Variants in CAST observed in about 807,000 individuals in gnomAD.
The protein encoded by CAST is MIR583 host.
In CAST, 76 loss-of-function variants were observed where a neutral mutation model predicts 119.6. The observed-to-expected ratio is 0.64, with a 90% CI of 0.53 to 0.77. The LOEUF (loss-of-function observed/expected upper bound fraction) is 0.77. Ranked by LOEUF, CAST falls within the 30% of genes least tolerant of loss-of-function variation. CAST has a pLI of 0.00. For synonymous variants in CAST, 319 were observed against 331.6 expected, an observed-to-expected ratio of 0.96 and a Z score of 0.41; for missense variants, 953 against 946.5, an observed-to-expected ratio of 1.01 and a Z score of -0.09.
chr5:96,652,193 T>C (rs957765323), intron 1 of CAST, among the ~76,000 whole-genome samples: 2 of 152,224 alleles, frequency 1.3e-5, no homozygotes, highest in East Asian at 1.9e-4. Flanking sequence ...TCTAAGGAGA[T>C]GGTTCATAGC....
intron 1 of CAST, among the ~76,000 whole-genome samples, chr5:96,557,731 C>T (rs1303056382): frequency 6.6e-6 from 1 of 152,168 alleles, no homozygotes; most frequent in Non-Finnish European, 1.5e-5. Context: ...TACAAAGAAA[C>T]TTAGACTCCC....
At chr5:96,047,835 A>G in the CAST span, among the ~76,000 whole-genome samples, 3 of 152,190 alleles carry the variant, frequency 2.0e-5, no homozygotes, top group Non-Finnish European at 4.4e-5. Flanking sequence ...GAAGAGGCGC[A>G]TGATGCAATG....
At chr5:96,290,351 C>A in the CAST span, among the ~76,000 whole-genome samples, 1 of 152,144 alleles carries the variant, frequency 6.6e-6, no homozygotes, top group Non-Finnish European at 1.5e-5. Context: ...CTTTACCAGG[C>A]TCTAAGTTAG....
intron 1 of CAST, among the ~76,000 whole-genome samples, chr5:96,594,502 C>A (rs932675288): frequency 6.6e-6 from 1 of 152,114 alleles, no homozygotes; most frequent in African/African-American, 2.4e-5. Flanking sequence ...AATTTAAAAC[C>A]AGCGTTGTAG....
chr5:96,124,157 A>G, the CAST span, among the ~76,000 whole-genome samples: 1 of 152,070 alleles, frequency 6.6e-6, no homozygotes, highest in African/African-American at 2.4e-5. Flanking sequence ...TATTGCAGAG[A>G]TAGAGCTTGG....
chr5:96,536,805 T>G (rs1178656866), intron 1 of CAST, among the ~76,000 whole-genome samples: 1 of 150,076 alleles, frequency 6.7e-6, no homozygotes, highest in Admixed American at 6.7e-5. Flanking sequence ...GTCTGACATT[T>G]TGATGGAGGG....
chr5:96,103,409 C>T, the CAST span, among the ~76,000 whole-genome samples: 1 of 142,338 alleles, frequency 7.0e-6, no homozygotes, highest in African/African-American at 2.6e-5. Flanking sequence ...TCCATGTGTT[C>T]TCATTGTTCA....
chr5:96,302,181 A>G, the CAST span, among the ~76,000 whole-genome samples: 1 of 152,118 alleles, frequency 6.6e-6, no homozygotes, highest in African/African-American at 2.4e-5. Flanking sequence ...CAGTGGCCTG[A>G]GATGTATCTG....
the CAST span, chr5:96,423,227 C>T: frequency 7.6e-7 from 1 of 1,310,856 alleles, no homozygotes. Context: ...ACCAGAGCAG[C>T]ATCCCCTTGA....
the CAST span, among the ~76,000 whole-genome samples, chr5:96,457,325 T>C: frequency 2.6e-5 from 4 of 152,212 alleles, no homozygotes; most frequent in Non-Finnish European, 5.9e-5. Context: ...TCTCTCTTTC[T>C]ACCCTTTGGC....
the CAST span, among the ~76,000 whole-genome samples, chr5:96,208,343 G>A: frequency 6.6e-6 from 1 of 151,412 alleles, no homozygotes; most frequent in Non-Finnish European, 1.5e-5. Flanking sequence ...TTCTGATTTG[G>A]GTTATTTCTT....
At chr5:96,635,191 G>A in intron 1 of CAST, among the ~76,000 whole-genome samples, 1 of 152,228 alleles carries the variant, frequency 6.6e-6, no homozygotes, top group East Asian at 1.9e-4. Context: ...TCTAAAGGAT[G>A]AGGAGATTTG....
At chr5:96,433,854 C>G in the CAST span, among the ~76,000 whole-genome samples, 35 of 152,340 alleles carry the variant, frequency 2.3e-4, 1 homozygote, top group South Asian at 6.4e-3. Context: ...CCCTCCTCCC[C>G]TTTGTTTCTC....
chr5:96,082,866 A>T, the CAST span, among the ~76,000 whole-genome samples: 1 of 152,190 alleles, frequency 6.6e-6, no homozygotes, highest in Non-Finnish European at 1.5e-5. Flanking sequence ...TTAGAATTTC[A>T]CTCCCTACAG....
chr5:96,633,682 T>C (rs1747849871), intron 1 of CAST, among the ~76,000 whole-genome samples: 1 of 152,212 alleles, frequency 6.6e-6, no homozygotes, highest in Non-Finnish European at 1.5e-5. Context: ...TTCCCTTGCT[T>C]GTGGGCAAAG....
chr5:96,493,495 C>T, the CAST span, among the ~76,000 whole-genome samples: 1 of 152,198 alleles, frequency 6.6e-6, no homozygotes, highest in South Asian at 2.1e-4. Flanking sequence ...GGGCAGGCTG[C>T]AAAAATAAAC....
At chr5:96,425,978 C>G in the CAST span, 1 of 1,026,496 alleles carries the variant, frequency 9.7e-7, no homozygotes. Context: ...ATATCTACCT[C>G]TGTATACTTC....
chr5:96,554,165 C>T (rs1746187875), intron 1 of CAST, among the ~76,000 whole-genome samples: 1 of 152,210 alleles, frequency 6.6e-6, no homozygotes, highest in Non-Finnish European at 1.5e-5. Context: ...TACTACAAGA[C>T]TCCAGTAACC....
chr5:96,653,890 C>T lies in CAST; in HGVS notation c.61-21649C>T, dbSNP rs118173906. Among the ~76,000 whole-genome samples the T allele has an allele frequency of 2.2e-4, 33 of 151,994 alleles. 1 individual carries two copies. In the East Asian group the frequency reaches 6.4e-3, roughly 29 times the overall value. Reference sequence around the variant, plus strand: ...GTTTTAGTCTAATATTTGTTGTTTCCCCTTAAAAATACTACTTAATTTCCC... The same window carrying T: ...GTTTTAGTCTAATATTTGTTGTTTCTCCTTAAAAATACTACTTAATTTCCC... On this transcript the variant is annotated intron_variant, in intron 1 of 11. Transcript: ENST00000505143.
Sources: allele counts gnomAD v4.1 joint callset (sites outside exome capture counted in the v4.1 genomes callset), GRCh38; gene constraint gnomAD v4.1.1; transcripts MANE v1.5; gene names NCBI Gene and HGNC (gene_info 2026-07-23, HGNC 2026-07-21).